The following LRMDA variants were observed in gnomAD, a reference collection of about 807,000 sequenced individuals.
LRMDA encodes the protein leucine rich melanocyte differentiation associated.
LRMDA carries 18 observed loss-of-function variants against 29.8 expected under a neutral mutation model. The observed-to-expected ratio is 0.60, with a 90% CI of 0.42 to 0.90. The LOEUF is 0.90. Ranked by LOEUF, LRMDA falls within the 40% of genes least tolerant of loss-of-function variation. LRMDA has a pLI of 0.00. For synonymous variants in LRMDA, 125 were observed against 109.4 expected, an observed-to-expected ratio of 1.14 and a Z score of -0.89; for missense variants, 273 against 273.9, an observed-to-expected ratio of 1.00 and a Z score of 0.02.
intron 2 of LRMDA, among the ~76,000 whole-genome samples, chr10:75,813,415 A>AAGCTG (rs1843998662): frequency 6.6e-6 from 1 of 152,190 alleles, no homozygotes; most frequent in Admixed American, 6.5e-5. Context: ...TGTTGTGAGG[A>AAGCTG]AGCTGAGAAT....
chr10:76,032,951 T>G (rs191375429), intron 2 of LRMDA, among the ~76,000 whole-genome samples: 24 of 152,238 alleles, frequency 1.6e-4, no homozygotes, highest in East Asian at 1.5e-3. Flanking sequence ...AATTGTCATT[T>G]TATTTAACAG....
At chr10:75,701,209 C>T (rs973107034) in intron 2 of LRMDA, among the ~76,000 whole-genome samples, 4 of 152,120 alleles carry the variant, frequency 2.6e-5, no homozygotes, top group African/African-American at 4.8e-5. Flanking sequence ...TTTGCCTGAA[C>T]GCGAGAGGCT....
At chr10:75,838,081 A>G (rs1009180373) in intron 2 of LRMDA, among the ~76,000 whole-genome samples, 1 of 152,244 alleles carries the variant, frequency 6.6e-6, no homozygotes, top group Non-Finnish European at 1.5e-5. Context: ...GGTTAGGGGC[A>G]GGAAAATCAA....
At position 76,484,399 on chromosome 10, in the gene LRMDA, A is replaced by G. The variant is rs867868551; in HGVS notation, c.602-72810A>G. On this transcript the variant is annotated intron_variant, in intron 6 of 6. Transcript: ENST00000611255. ...TGAAACAATAGAGCAGTTCAGGGGA[A>G]GAAATGACATCTTTATAATATGAGT... Among the ~76,000 whole-genome samples the G allele has an allele frequency of 2.0e-5, 3 of 152,080 alleles. No individual in the cohort carries two copies. The South Asian group carries it at 6.2e-4, about 31-fold the overall frequency.
At chr10:75,678,994 A>G (rs1213068662) in intron 2 of LRMDA, among the ~76,000 whole-genome samples, 2 of 152,172 alleles carry the variant, frequency 1.3e-5, no homozygotes, top group Middle Eastern at 3.2e-3. Context: ...ACATCCTTAA[A>G]TCACACTCCT....
intron 1 of LRMDA, among the ~76,000 whole-genome samples, chr10:75,435,936 T>C (rs773561001): frequency 1.1e-4 from 17 of 152,228 alleles, no homozygotes; most frequent in Middle Eastern, 3.4e-3. Flanking sequence ...AAAACTCATG[T>C]CTGCCTGGTA....
At position 76,371,789 on chromosome 10, in the gene LRMDA, A is replaced by G. The variant is rs750943177; in HGVS notation, c.601+47304A>G. Among the ~76,000 whole-genome samples the G allele has an allele frequency of 8.5e-5, 13 of 152,108 alleles. No homozygotes were observed. In the South Asian group the frequency reaches 1.7e-3, roughly 19 times the overall value. ...TTTGCTTGGCTGGTCCCAACCTGGT[A>G]TTGATTTGCTTTTCTACTGGCAGAT... On this transcript the variant is annotated intron_variant, in intron 6 of 6. Coordinates refer to ENST00000611255, the MANE Select transcript of LRMDA (RefSeq NM_001305581.2).
At chr10:75,467,993 C>G (rs1381350470) in intron 2 of LRMDA, among the ~76,000 whole-genome samples, 1 of 151,680 alleles carries the variant, frequency 6.6e-6, no homozygotes, top group Non-Finnish European at 1.5e-5. Flanking sequence ...CACACACACA[C>G]ACACACAAAG....
chr10:76,157,513 C>T (rs1436815432), intron 5 of LRMDA, among the ~76,000 whole-genome samples: 1 of 151,902 alleles, frequency 6.6e-6, no homozygotes, highest in Admixed American at 6.6e-5. Context: ...ACTCAGAGGG[C>T]TGAGGCAGGA....
At chr10:76,373,211 C>T (rs1229355137) in intron 6 of LRMDA, among the ~76,000 whole-genome samples, 1 of 152,114 alleles carries the variant, frequency 6.6e-6, no homozygotes, top group African/African-American at 2.4e-5. Flanking sequence ...AATGTCCATA[C>T]ATTCTTCCAA....
intron 2 of LRMDA, among the ~76,000 whole-genome samples, chr10:75,662,770 G>C (rs541096729): frequency 6.6e-6 from 1 of 152,188 alleles, no homozygotes; most frequent in South Asian, 2.1e-4. Context: ...ACGTTCTGTA[G>C]CCTTCCTACA....
intron 2 of LRMDA, among the ~76,000 whole-genome samples, chr10:75,989,939 C>G (rs1847336796): frequency 6.6e-6 from 1 of 152,152 alleles, no homozygotes; most frequent in Non-Finnish European, 1.5e-5. Context: ...TGAAATCCCC[C>G]CCGCTCCTGA....
At chr10:76,413,252 G>A (rs1841981665) in intron 6 of LRMDA, among the ~76,000 whole-genome samples, 1 of 152,006 alleles carries the variant, frequency 6.6e-6, no homozygotes, top group South Asian at 2.1e-4. Context: ...TAGCTTTCCA[G>A]CTCTGACTTT....
At chr10:76,160,880 C>T (rs939498368) in intron 5 of LRMDA, among the ~76,000 whole-genome samples, 1 of 152,066 alleles carries the variant, frequency 6.6e-6, no homozygotes, top group South Asian at 2.1e-4. Flanking sequence ...GCCATCAGTT[C>T]TAGTTGAGGT....
chr10:76,088,924 C>T (rs7101321), intron 5 of LRMDA, among the ~76,000 whole-genome samples: 8,851 of 152,170 alleles, frequency 0.058, 672 homozygotes, highest in African/African-American at 0.17. Context: ...ACAAAGCCCT[C>T]CTAATTGTTC....
chr10:76,067,563 G>T (rs1437715704), intron 5 of LRMDA, among the ~76,000 whole-genome samples: 6 of 152,168 alleles, frequency 3.9e-5, no homozygotes, highest in Non-Finnish European at 8.8e-5. Flanking sequence ...ATTACCCGGG[G>T]TTCTGTGCAG....
At chr10:76,476,548 T>C (rs1842674064) in intron 6 of LRMDA, among the ~76,000 whole-genome samples, 1 of 152,178 alleles carries the variant, frequency 6.6e-6, no homozygotes, top group Non-Finnish European at 1.5e-5. Context: ...TAACTCATTT[T>C]ATGAGGCCAG....
intron 5 of LRMDA, among the ~76,000 whole-genome samples, chr10:76,186,590 G>T (rs1420912315): frequency 6.6e-6 from 1 of 152,166 alleles, no homozygotes; most frequent in Admixed American, 6.5e-5. Context: ...CCCTCCGCCT[G>T]GCACTGAGTG....
intron 6 of LRMDA, among the ~76,000 whole-genome samples, chr10:76,529,096 G>A (rs969398557): frequency 3.3e-5 from 5 of 152,112 alleles, no homozygotes; most frequent in African/African-American, 4.8e-5. Flanking sequence ...AGAACCTTCT[G>A]AATACAGTGC....
Sources: gnomAD v4.1 joint callset for allele counts (sites outside exome capture counted in the v4.1 genomes callset) on GRCh38, gnomAD v4.1.1 for gene constraint, MANE v1.5 for transcripts, NCBI Gene and HGNC (gene_info 2026-07-23, HGNC 2026-07-21) for gene names.